Variants in IL33 observed in about 807,000 individuals in gnomAD.
The protein encoded by IL33 is interleukin 33.
Under a neutral mutation model 27.3 loss-of-function variants are expected in IL33, and 37 were observed. That is an observed-to-expected ratio of 1.36 (90% CI 1.04 to 1.78). The LOEUF (loss-of-function observed/expected upper bound fraction) is 1.78. Ranked by LOEUF, IL33 falls within the 40% of genes most tolerant of loss-of-function variation. The pLI, the probability that IL33 is intolerant of heterozygous loss-of-function variation, is 0.00. For synonymous variants in IL33, 132 were observed against 102.9 expected (o/e 1.28, Z -1.71); for missense variants, 406 against 311.4 (o/e 1.30, Z -2.29).
At chr9:6,217,633 A>G (rs1818202392) in intron 1 of IL33, among the ~76,000 whole-genome samples, 1 of 152,220 alleles carries the variant, frequency 6.6e-6, no homozygotes, top group Non-Finnish European at 1.5e-5. Context: ...TTGATACCCT[A>G]AGTGGAGAAA....
chr9:6,243,392 T>C (rs7038893), intron 2 of IL33, among the ~76,000 whole-genome samples: 23,637 of 152,206 alleles, frequency 0.16, 2,467 homozygotes, highest in Non-Finnish European at 0.22. Flanking sequence ...TCTCACTTTG[T>C]CTCCCAGGCT....
intron 1 of IL33, among the ~76,000 whole-genome samples, chr9:6,229,662 A>C (rs56713080): frequency 0.055 from 8,331 of 152,224 alleles, 375 homozygotes; most frequent in African/African-American, 0.11. Context: ...TGCCTGCCTT[A>C]CTTAGTTTAT....
intron 2 of IL33, among the ~76,000 whole-genome samples, chr9:6,247,493 T>C (rs571831697): frequency 6.6e-6 from 1 of 152,192 alleles, no homozygotes; most frequent in Non-Finnish European, 1.5e-5. Flanking sequence ...GGCAGAATTA[T>C]AGAAAGATTT....
In IL33 at chr9:6,217,851, C is replaced by CAAAT. The variant is rs1474446556; in HGVS notation, c.-12+1999_-12+2000insAAAT. ...CCTGTGGCTGCATACAAGTCAGAGA[C>CAAAT]TTGAGAGTGAAGTGTCTAGGGCAAA... On this transcript the variant is annotated intron_variant, in intron 1 of 7. Coordinates refer to ENST00000682010, the MANE Select transcript of IL33 (RefSeq NM_033439.4). Among the ~76,000 whole-genome samples, 123 of 152,094 alleles carry CAAAT rather than the reference C, an allele frequency of 8.1e-4. 1 individual carries two copies. The highest frequency in any genetic ancestry group is 1.5e-3 in the South Asian group (7 of 4,792).
At chr9:6,241,285 A>G (rs1398939555) in intron 1 of IL33, among the ~76,000 whole-genome samples, 2 of 152,230 alleles carry the variant, frequency 1.3e-5, no homozygotes, top group Non-Finnish European at 2.9e-5. Context: ...GTTACCAAGT[A>G]TTATATACTA....
intron 1 of IL33, among the ~76,000 whole-genome samples, chr9:6,216,706 C>G (rs1818160243): frequency 6.6e-6 from 1 of 152,050 alleles, no homozygotes; most frequent in African/African-American, 2.4e-5. Flanking sequence ...CAAGATCATG[C>G]CATTACACTC....
At chr9:6,222,521 T>C (rs896299106) in intron 1 of IL33, among the ~76,000 whole-genome samples, 7 of 152,196 alleles carry the variant, frequency 4.6e-5, no homozygotes, top group African/African-American at 1.7e-4. Flanking sequence ...AAACTTTTCA[T>C]AACCTGTTCT....
At position 6,255,962 on chromosome 9, in the gene IL33, C is replaced by T. The variant is rs1587676061; in HGVS notation, c.613-6C>T. The T allele has an allele frequency of 6.2e-7, 1 of 1,612,312 alleles. No individual in the cohort carries two copies. The highest frequency in any genetic ancestry group is 8.5e-7 in the Non-Finnish European group (1 of 1,178,574). On this transcript the variant is annotated splice_polypyrimidine_tract_variant and splice_region_variant and intron_variant, in intron 7 of 7. Coordinates refer to ENST00000682010, the MANE Select transcript of IL33 (RefSeq NM_033439.4). ...ATATGGATTGCTTTCTCTCTTGTTT[C>T]CTCAGCTCCATAAGTGTGAAAAACC...
At chr9:6,245,406 G>C (rs1276875232) in intron 2 of IL33, among the ~76,000 whole-genome samples, 4 of 152,180 alleles carry the variant, frequency 2.6e-5, no homozygotes, top group Non-Finnish European at 5.9e-5. Flanking sequence ...TCTATCCATA[G>C]AAGATCTGTT....
At chr9:6,215,199 T>C (rs1482731056), upstream of IL33, among the ~76,000 whole-genome samples, 4 of 152,130 alleles carry the variant, frequency 2.6e-5, no homozygotes, top group Admixed American at 2.0e-4. Context: ...AAATTTCTCA[T>C]GAGGTAAGAA....
intron 1 of IL33, among the ~76,000 whole-genome samples, chr9:6,229,232 G>A (rs925010020): frequency 1.3e-5 from 2 of 152,136 alleles, no homozygotes; most frequent in African/African-American, 2.4e-5. Context: ...AGGGACTTGA[G>A]GGAAAGGAGA....
At chr9:6,222,901 C>G (rs375853970) in intron 1 of IL33, among the ~76,000 whole-genome samples, 5 of 151,988 alleles carry the variant, frequency 3.3e-5, no homozygotes, top group South Asian at 2.1e-4. Flanking sequence ...GATTGATTTT[C>G]TTTCTTTCAA....
chr9:6,221,497 T>C (rs1302708013), intron 1 of IL33, among the ~76,000 whole-genome samples: 1 of 152,172 alleles, frequency 6.6e-6, no homozygotes, highest in Non-Finnish European at 1.5e-5. Flanking sequence ...GATTCAACAT[T>C]TAGAAGCATT....
At chr9:6,243,247 C>T (rs981924704) in intron 2 of IL33, among the ~76,000 whole-genome samples, 1 of 152,124 alleles carries the variant, frequency 6.6e-6, no homozygotes, top group South Asian at 2.1e-4. Flanking sequence ...TGTAGTAAGA[C>T]AGAAGGTAAG....
intron 5 of IL33, 92 bp from the exon 6 acceptor site, chr9:6,253,460 G>T: frequency 1.2e-6 from 1 of 809,334 alleles, no homozygotes; most frequent in East Asian, 2.6e-5. Context: ...ATAATAAAAG[G>T]GGAGGATATT....
At chr9:6,220,310 T>C (rs1157099903) in intron 1 of IL33, among the ~76,000 whole-genome samples, 1 of 152,222 alleles carries the variant, frequency 6.6e-6, no homozygotes, top group Non-Finnish European at 1.5e-5. Flanking sequence ...TTAGTGCATC[T>C]GAGACCTTTT....
intron 4 of IL33, among the ~76,000 whole-genome samples, chr9:6,251,614 A>G (rs1816362332): frequency 6.6e-6 from 1 of 152,180 alleles, no homozygotes; most frequent in African/African-American, 2.4e-5. Context: ...GAAAAGAGCT[A>G]TTATATTTTT....
intron 1 of IL33, among the ~76,000 whole-genome samples, chr9:6,240,635 C>T (rs1819474426): frequency 6.6e-6 from 1 of 152,146 alleles, no homozygotes; most frequent in Non-Finnish European, 1.5e-5. Context: ...GCTTGCAGGA[C>T]TGGAAAATGA....
chr9:6,250,547 G>A lies in IL33; in HGVS notation c.165G>A (p.Lys55=), dbSNP rs1816290725. Residue 55 remains lysine, a synonymous_variant, in exon 3 of 8, where the codon AAG becomes AAA. Transcript: ENST00000682010. The part of the protein sequence containing the change: ...MKLRSGLMIK[K]EACYFRRETT... The stretch of plus-strand genomic sequence containing the variant: ...TCCGCTCTGGCCTTATGATAAAAAA[G>A]GAGGCCTGTTACTTTAGGAGAGAAA... 2 of 1,613,990 alleles carry A rather than the reference G, an allele frequency of 1.2e-6. No homozygotes were observed. Among genetic ancestry groups the A allele is most frequent in the African/African-American group, 2.7e-5 (2 of 75,046 alleles).
Sources: allele counts gnomAD v4.1 joint callset (sites outside exome capture counted in the v4.1 genomes callset), GRCh38; gene constraint gnomAD v4.1.1; transcripts MANE v1.5; gene names NCBI Gene and HGNC (gene_info 2026-07-23, HGNC 2026-07-21).